Variants in SLC8A1 observed in about 807,000 individuals in gnomAD.
SLC8A1 encodes the protein sodium/calcium exchanger 1.
A neutral mutation model predicts 68.3 loss-of-function variants in SLC8A1; 18 were observed. The ratio of observed to expected loss-of-function variants is 0.26; its 90% CI spans 0.18 to 0.39. The LOEUF is 0.39. Among genes scored for constraint, SLC8A1 ranks in the 10% least tolerant of loss-of-function variants. SLC8A1 has a pLI of 1.00. For synonymous variants in SLC8A1, 475 were observed against 415.5 expected, an observed-to-expected ratio of 1.14 and a Z score of -1.74; for missense variants, 985 against 1,156.7, an observed-to-expected ratio of 0.85 and a Z score of 2.15.
intron 6 of SLC8A1, among the ~76,000 whole-genome samples, chr2:40,156,154 C>G (rs551598876): frequency 6.6e-6 from 1 of 152,172 alleles, no homozygotes; most frequent in Non-Finnish European, 1.5e-5. Context: ...CAAAATCCAA[C>G]GGGCCATGAA....
At chr2:40,342,578 T>G (rs61117604) in intron 2 of SLC8A1, among the ~76,000 whole-genome samples, 4,225 of 152,208 alleles carry the variant, frequency 0.028, 197 homozygotes, top group African/African-American at 0.094. Flanking sequence ...GTGTTAAAAT[T>G]TGCTTTCTTT....
intron 2 of SLC8A1, among the ~76,000 whole-genome samples, chr2:40,216,941 T>C (rs113641606): frequency 0.14 from 21,482 of 152,272 alleles, 2,437 homozygotes; most frequent in East Asian, 0.56. Context: ...TCTCCCATTC[T>C]GTAGGTTGCC....
chr2:40,278,149 T>C lies in SLC8A1; in HGVS notation c.1809-100294A>G, dbSNP rs140151266. ...TGGTTATTTTTGTAGACATTAACTCTATAATTTATTTACCTGTATCTCTAA... is the reference window on the plus strand; with the variant it reads ...TGGTTATTTTTGTAGACATTAACTCCATAATTTATTTACCTGTATCTCTAA... On this transcript the variant is annotated intron_variant, in intron 2 of 7. Transcript: ENST00000406785. Among the ~76,000 whole-genome samples the C allele has an allele frequency of 5.8e-3, 884 of 152,220 alleles. 4 individuals are homozygous for C. Among genetic ancestry groups the C allele is most frequent in the Middle Eastern group, 0.017 (5 of 294 alleles).
intron 2 of SLC8A1, among the ~76,000 whole-genome samples, chr2:40,356,559 T>C (rs1004382856): frequency 4.0e-5 from 6 of 151,578 alleles, no homozygotes; most frequent in South Asian, 2.1e-4. Context: ...TATTGGATAA[T>C]GTTAAAATGT....
chr2:40,370,160 G>A (rs903309783), intron 2 of SLC8A1, among the ~76,000 whole-genome samples: 3 of 152,092 alleles, frequency 2.0e-5, no homozygotes, highest in Non-Finnish European at 2.9e-5. Flanking sequence ...AAGGAAAAAG[G>A]TCTCATTTCT....
intron 4 of SLC8A1, among the ~76,000 whole-genome samples, chr2:40,168,537 G>A (rs1033774489): frequency 6.6e-5 from 10 of 152,000 alleles, no homozygotes; most frequent in African/African-American, 9.7e-5. Context: ...TCACATTTAT[G>A]GTCTAGATTT....
intron 2 of SLC8A1, among the ~76,000 whole-genome samples, chr2:40,365,353 T>C (rs1255500204): frequency 1.3e-5 from 2 of 152,152 alleles, no homozygotes; most frequent in Admixed American, 6.6e-5. Context: ...GCTATATCTT[T>C]ACACATCCAA....
At chr2:40,456,029 G>C (rs182554764), upstream of SLC8A1, among the ~76,000 whole-genome samples, 227 of 152,284 alleles carry the variant, frequency 1.5e-3, 2 homozygotes, top group African/African-American at 5.1e-3. Context: ...TAAAGAATTG[G>C]GTTTGGGCTG....
intron 7 of SLC8A1, among the ~76,000 whole-genome samples, chr2:40,122,250 A>ACACC (rs2037073240): frequency 6.6e-6 from 1 of 151,890 alleles, no homozygotes; most frequent in African/African-American, 2.4e-5. Context: ...ACACACACAC[A>ACACC]CACTTCACTG....
chr2:40,407,357 C>T (rs1441827139), intron 2 of SLC8A1, among the ~76,000 whole-genome samples: 3 of 152,238 alleles, frequency 2.0e-5, no homozygotes, highest in African/African-American at 7.2e-5. Flanking sequence ...TAAGCCACCA[C>T]ACCTGACCCA....
chr2:40,237,768 T>C (rs2060598923), intron 2 of SLC8A1, among the ~76,000 whole-genome samples: 1 of 152,190 alleles, frequency 6.6e-6, no homozygotes, highest in South Asian at 2.1e-4. Context: ...GATGGTGATG[T>C]ACAGATGGGT....
At chr2:40,408,303 C>A (rs1224371900) in intron 2 of SLC8A1, among the ~76,000 whole-genome samples, 1 of 152,198 alleles carries the variant, frequency 6.6e-6, no homozygotes, top group Non-Finnish European at 1.5e-5. Context: ...TACACAGTTA[C>A]TCAAATAATC....
rs545374217 is a variant in SLC8A1 at position 40,351,562 on chromosome 2, A to G, written c.1808+76911T>C. On this transcript the variant is annotated intron_variant, in intron 2 of 7. Transcript: ENST00000406785. ...TTATCAATGTACTAGAGTCAAGTAG[A>G]TTGGCATACTGAATGTTGCATCCAA... 3.4e-4 allele frequency among the ~76,000 whole-genome samples: 51 copies of G among 149,470 alleles called. No individual in the cohort carries two copies. The South Asian group carries it at 0.011, about 32-fold the overall frequency.
chr2:40,498,070 G>T (rs1328596882), intron 1 of SLC8A1, among the ~76,000 whole-genome samples: 2 of 151,916 alleles, frequency 1.3e-5, no homozygotes, highest in African/African-American at 2.4e-5. Context: ...GTAAAAAAGG[G>T]GATCTAAGCT....
At chr2:40,236,691 A>G (rs1434930997) in intron 2 of SLC8A1, among the ~76,000 whole-genome samples, 1 of 152,034 alleles carries the variant, frequency 6.6e-6, no homozygotes, top group African/African-American at 2.4e-5. Flanking sequence ...GTTTCTTCCT[A>G]GTCTCAATGG....
chr2:40,396,262 T>C (rs1190857270), intron 2 of SLC8A1, among the ~76,000 whole-genome samples: 2 of 152,156 alleles, frequency 1.3e-5, no homozygotes. Flanking sequence ...AAATCCTCAA[T>C]CCATGAAGTG....
At chr2:40,234,811 G>C (rs1029330086) in intron 2 of SLC8A1, among the ~76,000 whole-genome samples, 7 of 152,186 alleles carry the variant, frequency 4.6e-5, no homozygotes, top group African/African-American at 7.2e-5. Context: ...TAGCATGAAG[G>C]GTTGTTGAAT....
In SLC8A1 at chr2:40,305,458, C is replaced by T. The variant is rs151070388; in HGVS notation, c.1808+123015G>A. 4.2e-4 allele frequency among the ~76,000 whole-genome samples: 64 copies of T among 152,146 alleles called. No homozygotes were observed. The East Asian group carries it at 9.1e-3, about 22-fold the overall frequency. ...ACATTGCCAGATAGTTAAGAATCAC[C>T]GGTATAGGGAGGGAGACAAATATAT... is the stretch of plus-strand genomic sequence containing the variant. On this transcript the variant is annotated intron_variant, in intron 2 of 7. Coordinates refer to ENST00000406785, the Ensembl canonical transcript of SLC8A1.
intron 1 of SLC8A1, among the ~76,000 whole-genome samples, chr2:40,462,700 T>C (rs1406059230): frequency 3.3e-5 from 5 of 151,968 alleles, no homozygotes. Context: ...TCTAGCTACT[T>C]GAGAGGCTGA....
Sources: gnomAD v4.1 joint callset for allele counts (sites outside exome capture counted in the v4.1 genomes callset) on GRCh38, gnomAD v4.1.1 for gene constraint, MANE v1.5 for transcripts, NCBI Gene and HGNC (gene_info 2026-07-23, HGNC 2026-07-21) for gene names.